Variants in ATRNL1 observed in about 807,000 individuals in gnomAD.
ATRNL1 encodes the protein attractin-like protein 1.
ATRNL1 carries 95 observed loss-of-function variants against 182.7 expected under a neutral mutation model. That is an observed-to-expected ratio of 0.52 (90% CI 0.44 to 0.62). The LOEUF (loss-of-function observed/expected upper bound fraction) is 0.62, where lower values mean the gene tolerates loss of function less well. Ranked by LOEUF, ATRNL1 falls within the 20% of genes least tolerant of loss-of-function variation. ATRNL1 has a pLI of 0.00. For synonymous variants in ATRNL1, 576 were observed against 568.3 expected (o/e 1.01, Z -0.19); for missense variants, 1,471 against 1,679.5 (o/e 0.88, Z 2.17).
chr10:115,248,528 A>T (rs190566806), intron 10 of ATRNL1, among the ~76,000 whole-genome samples: 1 of 152,304 alleles, frequency 6.6e-6, no homozygotes, highest in African/African-American at 2.4e-5. Context: ...ATAATTTATT[A>T]GTTCAAAACT....
chr10:115,842,710 T>G (rs1286282763), intron 27 of ATRNL1, among the ~76,000 whole-genome samples: 1 of 152,076 alleles, frequency 6.6e-6, no homozygotes, highest in East Asian at 1.9e-4. Flanking sequence ...GAGAGACTCC[T>G]TAGCTTCTTA....
In ATRNL1 at chr10:115,266,858, C is replaced by T; in HGVS notation, c.1834C>T (p.Pro612Ser). Reference protein sequence around the residue: ...VLLNDILVYKPPNCKAFRDEE... With the variant: ...VLLNDILVYKSPNCKAFRDEE... ...CCTTAATGATATCCTTGTATACAAG[C>T]CTCCAAATTGCAAGGCTTTCAGAGA... The change falls in exon 12 of 29, where the codon CCT becomes TCT. Residue 612 changes from proline to serine, a missense_variant. By Grantham distance (74) the Pro-to-Ser change is moderately conservative. Coordinates refer to ENST00000355044, the MANE Select transcript of ATRNL1 (RefSeq NM_207303.4). 1 of 1,612,052 alleles carries T rather than the reference C, an allele frequency of 6.2e-7. No homozygotes were observed. Among genetic ancestry groups the T allele is most frequent in the Non-Finnish European group, 8.5e-7 (1 of 1,178,706 alleles).
chr10:115,317,163 T>C (rs1221756849), intron 18 of ATRNL1, among the ~76,000 whole-genome samples: 10 of 152,330 alleles, frequency 6.6e-5, no homozygotes, highest in African/African-American at 2.4e-4. Context: ...TACCATTTAT[T>C]GAATAGGAGA....
chr10:115,764,925 T>A (rs1948820925), intron 27 of ATRNL1, among the ~76,000 whole-genome samples: 3 of 152,196 alleles, frequency 2.0e-5, no homozygotes, highest in African/African-American at 7.2e-5. Flanking sequence ...CCGCCCGCCT[T>A]GGCCTCCCAA....
intron 13 of ATRNL1, among the ~76,000 whole-genome samples, chr10:115,273,214 A>G (rs1364120478): frequency 6.6e-6 from 1 of 152,054 alleles, no homozygotes; most frequent in Non-Finnish European, 1.5e-5. Context: ...CATAATCTCC[A>G]TCCCTGCCAC....
intron 28 of ATRNL1, among the ~76,000 whole-genome samples, chr10:115,849,018 C>T (rs141265317): frequency 6.6e-6 from 1 of 152,118 alleles, no homozygotes; most frequent in South Asian, 2.1e-4. Context: ...CAACCAGACA[C>T]AAAAAATGGA....
intron 28 of ATRNL1, among the ~76,000 whole-genome samples, chr10:115,880,351 C>CGGTG (rs1443721541): frequency 2.0e-5 from 3 of 152,158 alleles, no homozygotes; most frequent in Admixed American, 6.5e-5. Context: ...GGGCCAGGTA[C>CGGTG]GGTGGCTCAC....
intron 3 of ATRNL1, among the ~76,000 whole-genome samples, chr10:115,123,874 G>T (rs977634697): frequency 6.6e-6 from 1 of 151,766 alleles, no homozygotes; most frequent in African/African-American, 2.4e-5. Context: ...TGCATGTGAG[G>T]GATCTAGGTT....
Position 115,561,796 on chromosome 10 carries a change from A to G in ATRNL1, c.3795+12260A>G, listed in dbSNP as rs146150794. ...TAGCATTAGCAGAAATAGAAATCAA[A>G]CCTACAATAAGATACCACTAAATGC... On this transcript the variant is annotated intron_variant, in intron 26 of 28. Transcript: ENST00000355044. 2.1e-4 allele frequency among the ~76,000 whole-genome samples: 32 copies of G among 151,708 alleles called. No homozygotes were observed. The East Asian group carries it at 6.2e-3, about 29-fold the overall frequency.
intron 19 of ATRNL1, among the ~76,000 whole-genome samples, chr10:115,345,355 G>A (rs957841743): frequency 6.6e-6 from 1 of 152,176 alleles, no homozygotes; most frequent in Non-Finnish European, 1.5e-5. Context: ...CCTGAGTTTT[G>A]TTCAGTTCTC....
chr10:115,427,558 A>T (rs1845958397), intron 21 of ATRNL1, among the ~76,000 whole-genome samples: 1 of 152,114 alleles, frequency 6.6e-6, no homozygotes. Flanking sequence ...TATATTTTTA[A>T]GTTTTCTATT....
At chr10:115,459,908 G>A (rs1051606701) in intron 21 of ATRNL1, among the ~76,000 whole-genome samples, 4 of 152,026 alleles carry the variant, frequency 2.6e-5, no homozygotes, top group African/African-American at 9.7e-5. Flanking sequence ...CAAGCCAGCC[G>A]ACGCTTAGGA....
intron 9 of ATRNL1, among the ~76,000 whole-genome samples, chr10:115,240,399 G>A (rs781930055): frequency 5.9e-5 from 9 of 151,866 alleles, no homozygotes; most frequent in Admixed American, 1.3e-4. Flanking sequence ...CTACGGGCAC[G>A]TGCCACCATG....
chr10:115,196,807 A>C (rs1848380647), intron 8 of ATRNL1, among the ~76,000 whole-genome samples: 1 of 152,152 alleles, frequency 6.6e-6, no homozygotes, highest in South Asian at 2.1e-4. Context: ...CCCATTGGTC[A>C]ACAACTTATT....
chr10:115,728,372 A>G (rs2134063868), intron 27 of ATRNL1, among the ~76,000 whole-genome samples: 1 of 150,022 alleles, frequency 6.7e-6, no homozygotes, highest in East Asian at 2.0e-4. Context: ...AAGCATTATG[A>G]TGCATACTAA....
intron 8 of ATRNL1, among the ~76,000 whole-genome samples, chr10:115,178,242 G>C (rs1024223446): frequency 6.6e-6 from 1 of 151,990 alleles, no homozygotes; most frequent in Non-Finnish European, 1.5e-5. Context: ...GAACATCCTA[G>C]AGTACAACTT....
At chr10:115,519,130 C>G in intron 24 of ATRNL1, 133 bp from the exon 25 acceptor site, 1 of 730,406 alleles carries the variant, frequency 1.4e-6, no homozygotes, top group Non-Finnish European at 2.3e-6. Context: ...CATTCCATCA[C>G]ATATTTGATT....
At chr10:115,161,994 A>G (rs1181740063) in intron 6 of ATRNL1, among the ~76,000 whole-genome samples, 1 of 152,136 alleles carries the variant, frequency 6.6e-6, no homozygotes, top group East Asian at 1.9e-4. Flanking sequence ...AGACTTTTAC[A>G]GAATATATAT....
At chr10:115,537,938 C>G (rs1554990987) in intron 25 of ATRNL1, among the ~76,000 whole-genome samples, 2 of 152,144 alleles carry the variant, frequency 1.3e-5, no homozygotes, top group Non-Finnish European at 2.9e-5. Context: ...TCTGTTCTTG[C>G]AGTTTTGCCT....
Sources: gnomAD v4.1 joint callset for allele counts (sites outside exome capture counted in the v4.1 genomes callset) on GRCh38, gnomAD v4.1.1 for gene constraint, MANE v1.5 for transcripts, NCBI Gene and HGNC (gene_info 2026-07-23, HGNC 2026-07-21) for gene names.